MGAM: variants seen among roughly 807,000 people sequenced by gnomAD.
MGAM encodes maltase-glucoamylase, also known as alpha-1,4-glucosidase.
Under a neutral mutation model 358.8 loss-of-function variants are expected in MGAM, and 253 were observed. The ratio of observed to expected loss-of-function variants is 0.71; its 90% confidence interval spans 0.64 to 0.78. MGAM has a LOEUF of 0.78. MGAM is among the 30% of genes least tolerant of loss of function. The pLI is 0.00. For synonymous variants in MGAM, 1,105 were observed against 1,227.1 expected (o/e 0.90, Z 2.08); for missense variants, 3,080 against 3,432.6 (o/e 0.90, Z 2.57).
At chr7:142,005,223 A>G (rs1312160392) in intron 1 of MGAM, among the ~76,000 whole-genome samples, 4 of 152,246 alleles carry the variant, frequency 2.6e-5, no homozygotes, top group Admixed American at 1.3e-4. Context: ...ATAAACATAT[A>G]TTAGGTATGA....
At chr7:142,035,723 A>T (rs1410133186) in intron 16 of MGAM, among the ~76,000 whole-genome samples, 7 of 152,170 alleles carry the variant, frequency 4.6e-5, no homozygotes, top group African/African-American at 1.4e-4. Flanking sequence ...ACCAGGTTTT[A>T]AAGATCTAAA....
intron 26 of MGAM, among the ~76,000 whole-genome samples, chr7:142,054,411 T>G (rs545317911): frequency 4.5e-4 from 68 of 152,282 alleles, no homozygotes; most frequent in African/African-American, 1.6e-3. Flanking sequence ...ACAGGTTTTT[T>G]TTTGAACTCA....
intron 10 of MGAM, 107 bp downstream of exon 10, chr7:142,027,842 G>T (rs1040428133): frequency 2.3e-5 from 29 of 1,250,696 alleles, no homozygotes; most frequent in African/African-American, 4.6e-5. Context: ...TATTTATTTG[G>T]TAATGAAAGG....
chr7:142,039,746 A>G (rs1246925826), intron 19 of MGAM, among the ~76,000 whole-genome samples: 3 of 152,136 alleles, frequency 2.0e-5, no homozygotes, highest in African/African-American at 7.2e-5. Flanking sequence ...CTGTGTGATC[A>G]GGGGTGACTA....
Position 142,093,523 on chromosome 7 carries a change from G to C in MGAM, c.7145G>C (p.Gly2382Ala), listed in dbSNP as rs748091195. 1 of 1,503,690 alleles carries C rather than the reference G, an allele frequency of 6.7e-7. No homozygotes were observed. The highest frequency in any genetic ancestry group is 9.0e-7 in the Non-Finnish European group (1 of 1,105,572). 93.1% of individuals were successfully genotyped at this position (1,503,690 alleles called of 1,614,324 possible). A position where few individuals can be genotyped will look rare whatever the true frequency, so the allele number is the denominator to read the frequency against. Reference protein sequence around the residue: ...VQHYNVHNLYGWSQTRPTYEA... With the variant: ...VQHYNVHNLYAWSQTRPTYEA... ...CACTACAATGTGCACAACCTGTACG[G>C]GTGGTCCCAGACCAGACCCACATAC... The change falls in exon 60 of 71, where the codon GGG (glycine) becomes GCG (alanine). Residue 2382 changes from glycine (G) to alanine (A), a missense_variant. This residue lies in a region of MGAM where 932 missense variants were observed against 1,198.2 expected (regional missense o/e 0.78). Coordinates refer to ENST00000475668, the MANE Select transcript of MGAM (RefSeq NM_001365693.1).
chr7:142,042,760 A>G (rs1339011316), intron 21 of MGAM, among the ~76,000 whole-genome samples: 3 of 78,662 alleles, frequency 3.8e-5, no homozygotes, highest in African/African-American at 5.1e-5. Context: ...TAATATATAT[A>G]TTATATATAC....
At chr7:142,016,674 C>T (rs1554456314) in intron 3 of MGAM, among the ~76,000 whole-genome samples, 1 of 152,186 alleles carries the variant, frequency 6.6e-6, no homozygotes, top group Non-Finnish European at 1.5e-5. Context: ...CTCGCTGCAA[C>T]CTCTGCCTCC....
At position 142,080,753 on chromosome 7, in the gene MGAM, G is replaced by A. The variant is rs1293548249; in HGVS notation, c.5848-38G>A. ...TCTGCTAAGGGTATAGGTTTCAAGA[G>A]TAGTATTCTTGCCTAAAATCGTTTT... On this transcript the variant is annotated intron_variant, in intron 49 of 70. Transcript: ENST00000475668. The A allele has an allele frequency of 2.6e-6, 4 of 1,514,724 alleles. No individual in the cohort carries two copies. In the South Asian group the frequency reaches 3.5e-5, roughly 13 times the overall value. The allele number at this position is 1,514,724 out of a possible 1,614,324, so 93.8% of individuals were successfully genotyped here. A position where few individuals can be genotyped will look rare whatever the true frequency, so the allele number is the denominator to read the frequency against.
At position 142,085,552 on chromosome 7, in the gene MGAM, C is replaced by T. The variant is rs75756011; in HGVS notation, c.6508-281C>T. On this transcript the variant is annotated intron_variant, in intron 54 of 70. Transcript: ENST00000475668. ...CCTGATAGTGGCAGTTTACAAAGCA[C>T]TGTCCATTCCAGTGTTCGTATTTAT... is the stretch of plus-strand genomic sequence containing the variant. Among the ~76,000 whole-genome samples the T allele has an allele frequency of 6.5e-4, 95 of 146,314 alleles. 14 individuals are homozygous for T. In the East Asian group the frequency reaches 0.019, roughly 29 times the overall value.
At position 142,075,280 on chromosome 7, in the gene MGAM, T is replaced by C. The variant is rs1340548826; in HGVS notation, c.5276-923T>C. Among the ~76,000 whole-genome samples, 4 of 146,506 alleles carry C rather than the reference T, an allele frequency of 2.7e-5. 1 individual carries two copies. Among genetic ancestry groups the C allele is most frequent in the African/African-American group, 9.7e-5 (4 of 41,138 alleles). On this transcript the variant is annotated intron_variant, in intron 45 of 70. Transcript: ENST00000475668. ...ACTTAGGTTGTTTTCATATCTTGGC[T>C]ACTGTGAAGAAAGAAATTAAAAATT...
intron 44 of MGAM, among the ~76,000 whole-genome samples, chr7:142,073,132 T>C (rs1037686753): frequency 4.1e-5 from 6 of 146,480 alleles, no homozygotes; most frequent in Non-Finnish European, 9.3e-5. Flanking sequence ...TAAATTTGTG[T>C]TGTTTTCACT....
Position 142,091,981 on chromosome 7 carries a change from A to G in MGAM, c.6879A>G (p.Glu2293=). 6.5e-7 allele frequency: 1 copy of G among 1,540,438 alleles called. No individual in the cohort carries two copies. Among genetic ancestry groups the G allele is most frequent in the Non-Finnish European group, 8.9e-7 (1 of 1,122,452 alleles). The part of the protein sequence containing the change: ...RNSTAKWWKR[E]IEELYNNPQN... Reference sequence around the variant, plus strand: ...CAACTGCCAAGTGGTGGAAGAGGGAAATAGAAGAACTATACAACAATCCAC... The same window carrying G: ...CAACTGCCAAGTGGTGGAAGAGGGAGATAGAAGAACTATACAACAATCCAC... Residue 2293 remains glutamate, a synonymous_variant, in exon 58 of 71, where the codon GAA becomes GAG. Coordinates refer to ENST00000475668, the MANE Select transcript of MGAM (RefSeq NM_001365693.1).
At chr7:142,092,836 C>G (rs540623737) in intron 59 of MGAM, among the ~76,000 whole-genome samples, 2 of 146,490 alleles carry the variant, frequency 1.4e-5, no homozygotes, top group African/African-American at 4.9e-5. Context: ...AAAACACTTA[C>G]GAGTGGTCAT....
At chr7:142,057,047 T>C in intron 30 of MGAM, 105 bp downstream of exon 30, 1 of 1,012,092 alleles carries the variant, frequency 9.9e-7, no homozygotes, top group Non-Finnish European at 1.4e-6. Context: ...GAAATATTGG[T>C]CTTTCTTGGA....
chr7:142,083,380 A>G lies in MGAM; in HGVS notation c.6348A>G (p.Pro2116=), dbSNP rs147452018. ...TGGACTTTTATGTGTTCTTGGGGCC[A>G]ACTCCAGAGCTTGTCACCCAGCAGT... The part of the protein sequence containing the change: ...GVLDFYVFLG[P]TPELVTQQYT... The change falls in exon 53 of 71, where the codon CCA becomes CCG. Residue 2116 remains proline (P), a synonymous_variant. Coordinates refer to ENST00000475668, the MANE Select transcript of MGAM (RefSeq NM_001365693.1). The G allele has an allele frequency of 8.1e-3, 12,615 of 1,553,262 alleles. 1,800 individuals carry two copies. In the South Asian group the frequency reaches 0.085, roughly 10 times the overall value.
Position 142,065,975 on chromosome 7 carries a change from T to TTG in MGAM, c.4770+145_4770+146insGT, listed in dbSNP as rs1464492453. The TTG allele has an allele frequency of 1.7e-4, 138 of 796,492 alleles. 21 individuals carry two copies. The South Asian group carries it at 2.6e-3, about 15-fold the overall frequency. 49.3% of individuals were successfully genotyped at this position (796,492 alleles called of 1,614,324 possible). On this transcript the variant is annotated intron_variant, in intron 40 of 70. Transcript: ENST00000475668. Reference sequence around the variant, plus strand: ...TTTGTTTTGTTTTGTTTTGTTTTTTTTTTTGAAACAGGGATTTACTCTGTT... The same window carrying TTG: ...TTTGTTTTGTTTTGTTTTGTTTTTTTTGTTTTGAAACAGGGATTTACTCTGTT...
At chr7:141,989,146 G>C (rs1554446803) in intron 2 of MGAM, among the ~76,000 whole-genome samples, 1 of 151,892 alleles carries the variant, frequency 6.6e-6, no homozygotes, top group Non-Finnish European at 1.5e-5. Context: ...GAGAGAGAGA[G>C]AGAGAGAAAG....
intron 2 of MGAM, among the ~76,000 whole-genome samples, chr7:141,988,450 T>A (rs1426813700): frequency 7.9e-5 from 12 of 151,830 alleles, no homozygotes; most frequent in Non-Finnish European, 1.8e-4. Flanking sequence ...CTGCAGTCTC[T>A]GTTTCCCAAG....
intron 3 of MGAM, among the ~76,000 whole-genome samples, chr7:142,009,155 A>G (rs1285306715): frequency 6.6e-6 from 1 of 152,098 alleles, no homozygotes; most frequent in Non-Finnish European, 1.5e-5. Context: ...TGCAGTAAAA[A>G]TTCACAAAAC....
Sources: allele counts gnomAD v4.1 joint callset (sites outside exome capture counted in the v4.1 genomes callset), GRCh38; gene constraint gnomAD v4.1.1; regional missense constraint gnomAD v4.1.1; transcripts MANE v1.5; gene names NCBI Gene and HGNC (gene_info 2026-07-23, HGNC 2026-07-21).